Variants in WDR7 observed in about 807,000 individuals in gnomAD.
WDR7 encodes the protein WD repeat-containing protein 7.
In WDR7, 46 loss-of-function variants were observed where a neutral mutation model predicts 169.4. That is an observed-to-expected ratio of 0.27 (90% CI 0.21 to 0.35). The LOEUF (loss-of-function observed/expected upper bound fraction) is 0.35. Ranked by LOEUF, WDR7 falls within the 10% of genes least tolerant of loss-of-function variation. The pLI, the probability that WDR7 is intolerant of heterozygous loss-of-function variation, is 1.00. For synonymous variants in WDR7, 612 were observed against 666.8 expected (o/e 0.92, Z 1.27); for missense variants, 1,534 against 1,859.3 (o/e 0.83, Z 3.22).
At position 56,944,469 on chromosome 18, in the gene WDR7, ATAATT is replaced by A. The variant is rs1164134996; in HGVS notation, c.4064+5081_4064+5085del. ...TAATGATTTCATAATGACTTAATAT[ATAATT>A]TAATGAGTGGTACATTCAGTCACCA... On this transcript the variant is annotated intron_variant, in intron 25 of 27. Transcript: ENST00000254442. Among the ~76,000 whole-genome samples the A allele has an allele frequency of 2.0e-5, 3 of 152,372 alleles. No homozygotes were observed. In the East Asian group the frequency reaches 5.8e-4, roughly 29 times the overall value.
At chr18:56,817,101 T>C (rs1389154131) in intron 20 of WDR7, among the ~76,000 whole-genome samples, 1 of 151,702 alleles carries the variant, frequency 6.6e-6, no homozygotes, top group Non-Finnish European at 1.5e-5. Flanking sequence ...TCCCAGCACT[T>C]TGGGAGGCCG....
chr18:56,779,073 C>CTG (rs1216428539), intron 17 of WDR7, among the ~76,000 whole-genome samples: 3 of 152,152 alleles, frequency 2.0e-5, no homozygotes, highest in Non-Finnish European at 4.4e-5. Context: ...GGTTTCAAAT[C>CTG]TATAGCTCTA....
At chr18:56,691,096 A>T in intron 7 of WDR7, 120 bp from the exon 8 acceptor site, 1 of 1,379,588 alleles carries the variant, frequency 7.2e-7, no homozygotes. Flanking sequence ...TCTTTATCTG[A>T]TGCAGCAAAC....
intron 1 of WDR7, among the ~76,000 whole-genome samples, chr18:56,662,819 A>G (rs1216287398): frequency 1.3e-5 from 2 of 152,242 alleles, no homozygotes; most frequent in Non-Finnish European, 2.9e-5. Flanking sequence ...GGAACATTCT[A>G]CAAACAATTG....
intron 26 of WDR7, among the ~76,000 whole-genome samples, chr18:56,975,510 A>G (rs2047552948): frequency 6.6e-6 from 1 of 152,128 alleles, no homozygotes; most frequent in South Asian, 2.1e-4. Context: ...CCCTGGACAG[A>G]TTGCTTTATA....
chr18:56,865,952 A>G (rs926434029), intron 20 of WDR7, among the ~76,000 whole-genome samples: 4 of 152,200 alleles, frequency 2.6e-5, no homozygotes, highest in Non-Finnish European at 4.4e-5. Context: ...TTGCTTGCTT[A>G]TTATTTTTTA....
chr18:56,769,311 C>T (rs577449380), intron 16 of WDR7, among the ~76,000 whole-genome samples: 1 of 151,860 alleles, frequency 6.6e-6, no homozygotes, highest in African/African-American at 2.4e-5. Flanking sequence ...CCTCGACTTC[C>T]AGTCGAGGCT....
rs879218482 is a variant in WDR7, at chr18:57,027,747, G to C, written c.*540G>C. 3 of 153,048 alleles carry C rather than the reference G, an allele frequency of 2.0e-5. No individual in the cohort carries two copies. The Admixed American group carries it at 2.0e-4, about 10-fold the overall frequency. 9.5% of individuals were successfully genotyped at this position (153,048 alleles called of 1,614,324 possible). On this transcript the variant is annotated 3_prime_UTR_variant, in exon 28 of 28. Transcript: ENST00000254442. ...TGTTCTTTTCTTCTGGTGATTGCTA[G>C]GAAATTACTCAATCCAATTTCCTAG... is the stretch of plus-strand genomic sequence containing the variant.
chr18:56,777,617 G>A (rs1234685700), intron 17 of WDR7, among the ~76,000 whole-genome samples: 3 of 152,012 alleles, frequency 2.0e-5, no homozygotes, highest in African/African-American at 4.8e-5. Flanking sequence ...TCTTCATTGC[G>A]TTTGTAGTTA....
Position 57,026,995 on chromosome 18 carries a change from T to A in WDR7, c.4270-9T>A. On this transcript the variant is annotated splice_polypyrimidine_tract_variant and intron_variant, in intron 27 of 27. Transcript: ENST00000254442. ...TTCAAGTGACACATGTGCTCTCCTG[T>A]CCCTCCAGATGAACACGTCACTGCT... 6.2e-7 allele frequency: 1 copy of A among 1,612,560 alleles called. No individual in the cohort carries two copies. The highest frequency in any genetic ancestry group is 8.5e-7 in the Non-Finnish European group (1 of 1,179,288).
chr18:56,686,665 C>G (rs1203212294), intron 6 of WDR7, among the ~76,000 whole-genome samples, 190 bp from the exon 7 acceptor site: 2 of 152,060 alleles, frequency 1.3e-5, no homozygotes, highest in African/African-American at 2.4e-5. Context: ...TTTGTAGCAA[C>G]AGTATTTGTG....
At chr18:56,681,199 A>T in intron 3 of WDR7, 114 bp from the exon 4 acceptor site, 3 of 798,086 alleles carry the variant, frequency 3.8e-6, no homozygotes, top group East Asian at 5.9e-5. Context: ...ACTGTATGCT[A>T]CTTTTTCTGA....
intron 13 of WDR7, 87 bp from the exon 14 acceptor site, chr18:56,731,296 A>C: frequency 1.4e-6 from 2 of 1,459,738 alleles, no homozygotes; most frequent in Non-Finnish European, 1.8e-6. Context: ...TTTCTACTTA[A>C]AAAATTTTCA....
At chr18:56,995,786 C>T (rs1281434248) in intron 26 of WDR7, among the ~76,000 whole-genome samples, 1 of 152,202 alleles carries the variant, frequency 6.6e-6, no homozygotes, top group Non-Finnish European at 1.5e-5. Context: ...ACTACATCCC[C>T]AGACTGAGTC....
chr18:56,915,414 A>C (rs1568264750), intron 21 of WDR7, among the ~76,000 whole-genome samples: 2 of 152,224 alleles, frequency 1.3e-5, no homozygotes, highest in African/African-American at 4.8e-5. Context: ...ATAAATCATC[A>C]TAAATTCATT....
intron 1 of WDR7, among the ~76,000 whole-genome samples, chr18:56,667,928 A>G (rs2025057179): frequency 6.6e-6 from 1 of 152,228 alleles, no homozygotes; most frequent in South Asian, 2.1e-4. Flanking sequence ...TGCATCTTGT[A>G]ACCAGGGAGC....
chr18:56,935,932 A>G lies in WDR7; in HGVS notation c.3831+27A>G, dbSNP rs200398682. ...TGAGCGGAACTTCTCAGTGTGCTCC[A>G]TCTTCTCATTTAGAGGAATTATTTG... On this transcript the variant is annotated intron_variant, in intron 23 of 27. Transcript: ENST00000254442. 383 of 1,579,304 alleles carry G rather than the reference A, an allele frequency of 2.4e-4. 2 individuals carry two copies. Among genetic ancestry groups the G allele is most frequent in the Non-Finnish European group, 3.2e-4 (375 of 1,155,540 alleles).
chr18:56,966,661 C>T (rs2047414303), intron 26 of WDR7, among the ~76,000 whole-genome samples: 1 of 152,046 alleles, frequency 6.6e-6, no homozygotes, highest in African/African-American at 2.4e-5. Context: ...ACTTTTAACT[C>T]TGAGGGAGTT....
At chr18:56,788,356 T>C (rs994964923) in intron 19 of WDR7, among the ~76,000 whole-genome samples, 1 of 152,180 alleles carries the variant, frequency 6.6e-6, no homozygotes, top group African/African-American at 2.4e-5. Context: ...TTTTTTATTG[T>C]CTAGTAATTG....
Sources: allele counts gnomAD v4.1 joint callset (sites outside exome capture counted in the v4.1 genomes callset), GRCh38; gene constraint gnomAD v4.1.1; transcripts MANE v1.5; gene names NCBI Gene and HGNC (gene_info 2026-07-23, HGNC 2026-07-21).